XPO4: variants seen among roughly 807,000 people sequenced by gnomAD.
XPO4 encodes the protein exportin-4.
Under a neutral mutation model 143.0 loss-of-function variants are expected in XPO4, and 39 were observed. The ratio of observed to expected loss-of-function variants is 0.27; its 90% CI spans 0.21 to 0.36. The LOEUF (loss-of-function observed/expected upper bound fraction) is 0.36. Among genes scored for constraint, XPO4 ranks in the 10% least tolerant of loss-of-function variants. The pLI, the probability that XPO4 is intolerant of heterozygous loss-of-function variation, is 1.00. For missense variants in XPO4, 907 were observed against 1,348.0 expected, an observed-to-expected ratio of 0.67 and a Z score of 5.12; for synonymous variants, 439 against 474.0, an observed-to-expected ratio of 0.93 and a Z score of 0.96.
intron 2 of XPO4, among the ~76,000 whole-genome samples, chr13:20,864,540 A>G (rs1198740483): frequency 6.6e-6 from 1 of 152,218 alleles, no homozygotes; most frequent in East Asian, 1.9e-4. Context: ...CAAGAGATAG[A>G]GAGGAAACTG....
intron 1 of XPO4, among the ~76,000 whole-genome samples, chr13:20,878,784 T>G (rs994047993): frequency 6.6e-6 from 1 of 152,270 alleles, no homozygotes; most frequent in Non-Finnish European, 1.5e-5. Flanking sequence ...TTAATATTTT[T>G]AAAAGATTGT....
chr13:20,843,244 T>C (rs1385886202), intron 5 of XPO4, among the ~76,000 whole-genome samples, 196 bp from the exon 6 acceptor site: 1 of 152,224 alleles, frequency 6.6e-6, no homozygotes, highest in Non-Finnish European at 1.5e-5. Context: ...GATGGAATAC[T>C]TTTACTTGAA....
chr13:20,824,840 G>A (rs2585897), intron 7 of XPO4, among the ~76,000 whole-genome samples: 35,356 of 152,090 alleles, frequency 0.23, 5,771 homozygotes, highest in East Asian at 0.8. Context: ...GGAAGATGAC[G>A]AATTCTACTG....
At chr13:20,832,772 CAT>C (rs1315196351) in intron 6 of XPO4, among the ~76,000 whole-genome samples, 9 of 152,170 alleles carry the variant, frequency 5.9e-5, no homozygotes, top group Admixed American at 1.3e-4. Flanking sequence ...CTTTGAAATA[CAT>C]GAGTGACCTT....
At position 20,778,241 on chromosome 13, in the gene XPO4, A is replaced by C. The variant is rs547021343; in HGVS notation, c.*5481T>G. 58 of 152,346 alleles carry C rather than the reference A, an allele frequency of 3.8e-4. No individual in the cohort carries two copies. The highest frequency in any genetic ancestry group is 1.3e-3 in the African/African-American group (53 of 41,598). 9.4% of individuals were successfully genotyped at this position (152,346 alleles called of 1,614,324 possible). ...ACACTTGGTAATGAAAGAAACAAAA[A>C]TTCAAAATACACTCTAATTGGTTTT... On this transcript the variant is annotated 3_prime_UTR_variant, in exon 23 of 23. Coordinates refer to ENST00000255305, the MANE Select transcript of XPO4 (RefSeq NM_022459.5).
At chr13:20,837,700 G>A (rs116841645) in intron 6 of XPO4, among the ~76,000 whole-genome samples, 184 of 152,274 alleles carry the variant, frequency 1.2e-3, no homozygotes, top group Admixed American at 3.0e-3. Flanking sequence ...GGGGACACAC[G>A]GAACAATCAT....
At chr13:20,845,471 C>T (rs1460720970) in intron 4 of XPO4, among the ~76,000 whole-genome samples, 1 of 152,168 alleles carries the variant, frequency 6.6e-6, no homozygotes, top group Non-Finnish European at 1.5e-5. Flanking sequence ...GTCCCTTCCT[C>T]CCAAAATCTT....
intron 22 of XPO4, among the ~76,000 whole-genome samples, chr13:20,785,660 C>T (rs1355318570): frequency 6.6e-6 from 1 of 150,706 alleles, no homozygotes; most frequent in African/African-American, 2.5e-5. Context: ...AAAGTGAGAC[C>T]CTGTCTCAGA....
chr13:20,875,626 TTCTTA>T (rs1176043189), intron 1 of XPO4, among the ~76,000 whole-genome samples: 1 of 152,206 alleles, frequency 6.6e-6, no homozygotes, highest in Non-Finnish European at 1.5e-5. Context: ...TTTCCTTTCC[TTCTTA>T]TCTTAAAAGT....
rs2060065734 is a variant in XPO4 at position 20,849,872 on chromosome 13, G to A, written c.456+5755C>T. The A allele has an allele frequency of 1.2e-5, 11 of 899,554 alleles. No individual in the cohort carries two copies. In the South Asian group the frequency reaches 4.1e-4, roughly 33 times the overall value. The allele number at this position is 899,554 out of a possible 1,614,324, so 55.7% of individuals were successfully genotyped here. A position where few individuals can be genotyped will look rare whatever the true frequency, so the allele number is the denominator to read the frequency against. On this transcript the variant is annotated intron_variant, in intron 4 of 22. Coordinates refer to ENST00000255305, the MANE Select transcript of XPO4 (RefSeq NM_022459.5). The stretch of plus-strand genomic sequence containing the variant: ...TGTAATCCCAGCACTTTGGGAGGCT[G>A]AAGTGGGCAGATCACTTGAGGTCAG...
intron 16 of XPO4, among the ~76,000 whole-genome samples, chr13:20,798,409 T>C (rs1356626856): frequency 6.6e-6 from 1 of 152,184 alleles, no homozygotes; most frequent in Non-Finnish European, 1.5e-5. Context: ...GGACACCTTA[T>C]AGCTTGGACT....
intron 22 of XPO4, among the ~76,000 whole-genome samples, chr13:20,786,208 A>C (rs2059203308): frequency 1.3e-5 from 2 of 151,928 alleles, no homozygotes; most frequent in Non-Finnish European, 2.9e-5. Flanking sequence ...GTCTTTAAAT[A>C]GTATGGAAGA....
chr13:20,874,288 T>C (rs971167911), intron 1 of XPO4, among the ~76,000 whole-genome samples: 1 of 152,206 alleles, frequency 6.6e-6, no homozygotes, highest in African/African-American at 2.4e-5. Context: ...TGAAATAAGC[T>C]ACAAAACTAG....
intron 3 of XPO4, chr13:20,859,771 G>C (rs2060179622): frequency 1.3e-6 from 1 of 778,440 alleles, no homozygotes. Context: ...GCAAGGCTCT[G>C]TCTCAAAAAA....
chr13:20,801,017 ATTC>A (rs751103970), intron 13 of XPO4, 27 bp from the exon 14 acceptor site: 10 of 1,597,304 alleles, frequency 6.3e-6, no homozygotes, highest in Middle Eastern at 1.7e-4. Context: ...GAAGTCATTT[ATTC>A]TTTTATTTAT....
At chr13:20,902,375 G>T in intron 1 of XPO4, 3 of 985,426 alleles carry the variant, frequency 3.0e-6, no homozygotes, top group Non-Finnish European at 3.6e-6. Flanking sequence ...CTGCGACCCA[G>T]TCTGTGGGGC....
intron 21 of XPO4, 32 bp from the exon 22 acceptor site, chr13:20,787,089 A>G: frequency 2.0e-6 from 3 of 1,537,812 alleles, no homozygotes; most frequent in Non-Finnish European, 2.6e-6. Flanking sequence ...AAATAAAAAC[A>G]TAGGATGATC....
chr13:20,846,385 C>A (rs915855144), intron 4 of XPO4, among the ~76,000 whole-genome samples: 3 of 152,148 alleles, frequency 2.0e-5, no homozygotes, highest in Non-Finnish European at 4.4e-5. Context: ...CAGGTGAAAG[C>A]CCTGCTAAAG....
At chr13:20,878,879 C>A (rs1228744766) in intron 1 of XPO4, among the ~76,000 whole-genome samples, 4 of 152,114 alleles carry the variant, frequency 2.6e-5, no homozygotes, top group African/African-American at 4.8e-5. Context: ...TTTTTCTGTC[C>A]ATTTAAAACC....
Sources: gnomAD v4.1 joint callset for allele counts (sites outside exome capture counted in the v4.1 genomes callset) on GRCh38, gnomAD v4.1.1 for gene constraint, MANE v1.5 for transcripts, NCBI Gene and HGNC (gene_info 2026-07-23, HGNC 2026-07-21) for gene names.